Variants in RBMS3 observed in about 807,000 individuals in gnomAD.
RBMS3 encodes the protein RNA binding motif single stranded interacting protein 3.
Under a neutral mutation model 66.8 loss-of-function variants are expected in RBMS3, and 27 were observed. That is an observed-to-expected ratio of 0.40 (90% CI 0.30 to 0.56). The LOEUF is 0.56. RBMS3 is among the 20% of genes least tolerant of loss of function. RBMS3 has a pLI of 0.40. For synonymous variants in RBMS3, 188 were observed against 183.0 expected, an observed-to-expected ratio of 1.03 and a Z score of -0.22; for missense variants, 513 against 549.5, an observed-to-expected ratio of 0.93 and a Z score of 0.66.
In RBMS3 at chr3:29,385,025, C is replaced by A. The variant is rs1411102679; in HGVS notation, c.76-49718C>A. Among the ~76,000 whole-genome samples the A allele has an allele frequency of 3.9e-5, 6 of 151,996 alleles. No homozygotes were observed. The South Asian group carries it at 8.3e-4, about 21-fold the overall frequency. On this transcript the variant is annotated intron_variant, in intron 1 of 14. Transcript: ENST00000383767. ...CGAACAAACCTCCTCATCTTTGACA[C>A]CCTGTTTCCTGCCTGTTGTGTGTGA...
chr3:29,969,809 G>A (rs530179125), intron 12 of RBMS3, among the ~76,000 whole-genome samples: 1 of 152,280 alleles, frequency 6.6e-6, no homozygotes, highest in South Asian at 2.1e-4. Flanking sequence ...GGAAATGAAT[G>A]CTGAGTTGTA....
At chr3:29,412,364 A>C (rs1170206032) in intron 1 of RBMS3, among the ~76,000 whole-genome samples, 4 of 152,192 alleles carry the variant, frequency 2.6e-5, no homozygotes, top group Admixed American at 2.6e-4. Context: ...AGAACTGCAG[A>C]AGGAGAAGGG....
At chr3:29,640,286 C>CACACACACACA (rs879853761) in intron 4 of RBMS3, among the ~76,000 whole-genome samples, 1 of 122,944 alleles carries the variant, frequency 8.1e-6, no homozygotes, top group African/African-American at 3.1e-5. Context: ...ACACACACAC[C>CACACACACACA]CACACACACA....
chr3:29,977,807 C>T (rs1000089414), intron 12 of RBMS3, among the ~76,000 whole-genome samples: 2 of 151,538 alleles, frequency 1.3e-5, no homozygotes, highest in African/African-American at 4.9e-5. Flanking sequence ...CTCATTGTGC[C>T]GTGGTCCCCA....
intron 3 of RBMS3, among the ~76,000 whole-genome samples, chr3:29,504,920 C>G (rs78224443): frequency 6.6e-6 from 1 of 152,002 alleles, no homozygotes; most frequent in Non-Finnish European, 1.5e-5. Flanking sequence ...GGTCCTTTGC[C>G]TATTTTTAAA....
At chr3:29,991,479 A>G in intron 14 of RBMS3, 1 of 426,664 alleles carries the variant, frequency 2.3e-6, no homozygotes, top group East Asian at 4.9e-5. Flanking sequence ...TGGATGTGTG[A>G]TGGAAGTGAC....
chr3:29,803,403 T>G (rs1311922916), intron 6 of RBMS3, among the ~76,000 whole-genome samples: 1 of 152,018 alleles, frequency 6.6e-6, no homozygotes, highest in Non-Finnish European at 1.5e-5. Context: ...AATGGCAAAA[T>G]AGAATACCCA....
chr3:29,928,891 A>C (rs1414249949), intron 10 of RBMS3, among the ~76,000 whole-genome samples: 1 of 152,090 alleles, frequency 6.6e-6, no homozygotes, highest in Non-Finnish European at 1.5e-5. Flanking sequence ...CCCCAGCTGA[A>C]AGCTACTCAT....
At chr3:29,895,439 C>G (rs1455314614) in intron 8 of RBMS3, among the ~76,000 whole-genome samples, 2 of 151,436 alleles carry the variant, frequency 1.3e-5, no homozygotes, top group African/African-American at 4.8e-5. Flanking sequence ...CAACCCCTTC[C>G]TCCACCCCGC....
At chr3:29,282,552 C>T (rs1190855782) in intron 1 of RBMS3, among the ~76,000 whole-genome samples, 1 of 152,098 alleles carries the variant, frequency 6.6e-6, no homozygotes, top group African/African-American at 2.4e-5. Context: ...GCAGTACCTA[C>T]CCTGAACTTT....
intron 6 of RBMS3, among the ~76,000 whole-genome samples, chr3:29,834,262 C>G (rs13084337): frequency 0.41 from 62,355 of 151,550 alleles, 13,291 homozygotes; most frequent in Non-Finnish European, 0.47. Context: ...AAGTATAAAA[C>G]TCACCAGTAA....
chr3:29,519,562 G>A (rs1269928139), intron 3 of RBMS3, among the ~76,000 whole-genome samples: 2 of 152,186 alleles, frequency 1.3e-5, no homozygotes, highest in Non-Finnish European at 2.9e-5. Flanking sequence ...GTGGAACTCA[G>A]AGGTCAACCA....
At chr3:29,891,989 A>G (rs1442531200) in intron 8 of RBMS3, among the ~76,000 whole-genome samples, 1 of 151,548 alleles carries the variant, frequency 6.6e-6, no homozygotes, top group East Asian at 1.9e-4. Flanking sequence ...GTACAGTAAA[A>G]AAAATTAAAC....
chr3:29,320,382 A>T (rs545757473), intron 1 of RBMS3, among the ~76,000 whole-genome samples: 1 of 152,066 alleles, frequency 6.6e-6, no homozygotes, highest in South Asian at 2.1e-4. Context: ...TGTTTTCTCC[A>T]AAGGTGAATA....
intron 3 of RBMS3, among the ~76,000 whole-genome samples, chr3:29,517,565 C>T (rs529520839): frequency 1.2e-3 from 176 of 152,142 alleles, no homozygotes; most frequent in South Asian, 2.3e-3. Flanking sequence ...CCTCGTGATC[C>T]GCCTTCCTCG....
rs1462875687 is a variant in RBMS3, at chr3:29,696,232, C to G, written c.400-43488C>G. Among the ~76,000 whole-genome samples, 3 of 152,152 alleles carry G rather than the reference C, an allele frequency of 2.0e-5. No homozygotes were observed. The South Asian group carries it at 6.2e-4, about 31-fold the overall frequency. On this transcript the variant is annotated intron_variant, in intron 4 of 14. Coordinates refer to ENST00000383767, the MANE Select transcript of RBMS3 (RefSeq NM_001003793.3). ...AGTGTGACTTCACGTGAGTTAGGCT[C>G]TCAGTTTTTTTCATCTTTAAAATGG...
chr3:29,920,184 T>A (rs756968090), intron 10 of RBMS3, among the ~76,000 whole-genome samples: 1 of 152,268 alleles, frequency 6.6e-6, no homozygotes, highest in Middle Eastern at 3.4e-3. Context: ...GAAAGGTGAC[T>A]GAGACCAAAT....
chr3:29,785,574 A>G (rs2056789949), intron 6 of RBMS3, among the ~76,000 whole-genome samples: 1 of 152,106 alleles, frequency 6.6e-6, no homozygotes, highest in Non-Finnish European at 1.5e-5. Flanking sequence ...TATCATATAA[A>G]CAGAATTAAA....
intron 1 of RBMS3, among the ~76,000 whole-genome samples, chr3:29,375,676 G>C (rs777241943): frequency 2.6e-5 from 4 of 152,126 alleles, no homozygotes; most frequent in African/African-American, 9.7e-5. Flanking sequence ...AACCAGAATG[G>C]TTATTATTAA....
Sources: allele counts gnomAD v4.1 joint callset (sites outside exome capture counted in the v4.1 genomes callset), GRCh38; gene constraint gnomAD v4.1.1; transcripts MANE v1.5; gene names NCBI Gene and HGNC (gene_info 2026-07-23, HGNC 2026-07-21).